The following PLD1 variants were observed in gnomAD, a reference collection of about 807,000 sequenced individuals.
PLD1 encodes choline phosphatase 1.
Under a neutral mutation model 137.1 loss-of-function variants are expected in PLD1, and 112 were observed. The ratio of observed to expected loss-of-function variants is 0.82; its 90% CI spans 0.70 to 0.96. The LOEUF (loss-of-function observed/expected upper bound fraction) is 0.96. Among genes scored for constraint, PLD1 ranks in the 40% least tolerant of loss-of-function variants. PLD1 has a pLI of 0.00. For synonymous variants in PLD1, 431 were observed against 454.7 expected (o/e 0.95, Z 0.66); for missense variants, 1,321 against 1,342.0 (o/e 0.98, Z 0.24).
chr3:171,710,553 A>T (rs897154150), intron 9 of PLD1, among the ~76,000 whole-genome samples: 8 of 152,156 alleles, frequency 5.3e-5, no homozygotes, highest in Non-Finnish European at 1.2e-4. Context: ...GGCTGATCTG[A>T]CAGAAGGCGG....
intron 21 of PLD1, among the ~76,000 whole-genome samples, chr3:171,656,742 T>C (rs574029400): frequency 4.7e-4 from 72 of 152,346 alleles, no homozygotes; most frequent in African/African-American, 1.7e-3. Flanking sequence ...TGTAGTGTGC[T>C]GCCTAGATCC....
chr3:171,797,703 C>A (rs1186334903), intron 1 of PLD1, among the ~76,000 whole-genome samples: 3 of 152,054 alleles, frequency 2.0e-5, no homozygotes, highest in African/African-American at 7.2e-5. Context: ...CAGCTTTTGA[C>A]CAAAATATAT....
intron 14 of PLD1, 44 bp from the exon 15 acceptor site, chr3:171,687,628 G>T: frequency 2.4e-6 from 3 of 1,252,256 alleles, no homozygotes; most frequent in Non-Finnish European, 2.3e-6. Flanking sequence ...CATAAGACAT[G>T]CTGCAGTGTG....
chr3:171,692,880 C>A (rs1008156146), intron 12 of PLD1, among the ~76,000 whole-genome samples: 1 of 152,050 alleles, frequency 6.6e-6, no homozygotes, highest in Non-Finnish European at 1.5e-5. Context: ...ATGAAAAAGG[C>A]AATACAAGGA....
intron 19 of PLD1, among the ~76,000 whole-genome samples, chr3:171,669,025 G>A (rs1383409698): frequency 6.6e-6 from 1 of 152,130 alleles, no homozygotes; most frequent in Non-Finnish European, 1.5e-5. Flanking sequence ...GCACTGAGGG[G>A]AAACATCCAA....
intron 14 of PLD1, 38 bp downstream of exon 14, chr3:171,688,638 T>C (rs778562799): frequency 2.1e-6 from 3 of 1,425,372 alleles, no homozygotes; most frequent in African/African-American, 2.8e-5. Context: ...CAAATTATGT[T>C]CGTGTTATAC....
At chr3:171,764,823 AAGAG>A (rs1368509091) in intron 1 of PLD1, among the ~76,000 whole-genome samples, 1 of 22,782 alleles carries the variant, frequency 4.4e-5, no homozygotes, top group Non-Finnish European at 9.3e-5. Flanking sequence ...GAAAGAAAGA[AAGAG>A]AAAGAAAGAA....
intron 1 of PLD1, among the ~76,000 whole-genome samples, chr3:171,745,935 C>A (rs1193743175): frequency 6.6e-6 from 1 of 152,096 alleles, no homozygotes; most frequent in Non-Finnish European, 1.5e-5. Context: ...ACTCACAGGC[C>A]AGCGCGAGTT....
intron 19 of PLD1, among the ~76,000 whole-genome samples, chr3:171,670,243 G>A (rs1325005264): frequency 1.3e-5 from 2 of 152,194 alleles, no homozygotes; most frequent in Non-Finnish European, 2.9e-5. Context: ...GTTAACAACA[G>A]TGTATTGGTA....
intron 23 of PLD1, among the ~76,000 whole-genome samples, chr3:171,639,340 TA>T (rs1248636213): frequency 7.5e-6 from 1 of 134,120 alleles, no homozygotes; most frequent in African/African-American, 2.8e-5. Flanking sequence ...TTCATATAAA[TA>T]AAAGATATAT....
intron 26 of PLD1, among the ~76,000 whole-genome samples, chr3:171,603,734 T>C (rs1232906210): frequency 6.6e-6 from 1 of 152,212 alleles, no homozygotes; most frequent in Non-Finnish European, 1.5e-5. Context: ...TGGTTGAAAA[T>C]GAGTTTTGGA....
intron 1 of PLD1, among the ~76,000 whole-genome samples, chr3:171,758,133 G>A (rs576918194): frequency 6.6e-6 from 1 of 152,176 alleles, no homozygotes; most frequent in Non-Finnish European, 1.5e-5. Flanking sequence ...ACTACTAATA[G>A]CTAATAGTTA....
At position 171,661,909 on chromosome 3, in the gene PLD1, A is replaced by G. The variant is rs6774916; in HGVS notation, c.2340+151T>C. ...AGGTATGCTTGGGAGGTCAAAATTC[A>G]GGTGATATGAACCAGAGCTTCTCCA... On this transcript the variant is annotated intron_variant, in intron 20 of 26. Transcript: ENST00000351298. 1,140 of 536,626 alleles carry G rather than the reference A, an allele frequency of 2.1e-3. 8 individuals are homozygous for G. The highest frequency in any genetic ancestry group is 0.02 in the African/African-American group (1,057 of 53,104). The allele number at this position is 536,626 out of a possible 1,614,324, so 33.2% of individuals were successfully genotyped here.
At chr3:171,641,685 C>T (rs1001473216) in intron 23 of PLD1, among the ~76,000 whole-genome samples, 4 of 152,136 alleles carry the variant, frequency 2.6e-5, no homozygotes, top group Non-Finnish European at 5.9e-5. Context: ...TGACACTTCC[C>T]TTCCTCTCCT....
At chr3:171,755,956 ACAT>A (rs1275808513) in intron 1 of PLD1, among the ~76,000 whole-genome samples, 1 of 152,220 alleles carries the variant, frequency 6.6e-6, no homozygotes, top group East Asian at 1.9e-4. Context: ...AAAATTGGAA[ACAT>A]CATCTACCCA....
rs1309674302 is a variant in PLD1, at chr3:171,600,731, C to A, written c.*2347G>T. The stretch of plus-strand genomic sequence containing the variant: ...AATCCCTCCAAGTAAATCTTATCAC[C>A]CCTTTGCAGATGAGCATCTTGTCTT... On this transcript the variant is annotated 3_prime_UTR_variant, in exon 27 of 27. Coordinates refer to ENST00000351298, the MANE Select transcript of PLD1 (RefSeq NM_002662.5). 6.6e-6 allele frequency: 1 copy of A among 151,704 alleles called. No homozygotes were observed. Among genetic ancestry groups the A allele is most frequent in the Non-Finnish European group, 1.5e-5 (1 of 67,978 alleles). 9.4% of individuals were successfully genotyped at this position (151,704 alleles called of 1,614,324 possible).
At chr3:171,793,617 T>C (rs1362055802) in intron 1 of PLD1, 1 of 152,178 alleles carries the variant, frequency 6.6e-6, no homozygotes, top group African/African-American at 2.4e-5. Context: ...TACTTGAACA[T>C]AAGCCCTATG....
At chr3:171,738,208 G>T in intron 1 of PLD1, 126 bp from the exon 2 acceptor site, 2 of 430,984 alleles carry the variant, frequency 4.6e-6, no homozygotes, top group Admixed American at 4.1e-5. Context: ...GTGAGCCTCA[G>T]TTATCCAAAA....
chr3:171,747,363 T>G (rs1170731927), intron 1 of PLD1, among the ~76,000 whole-genome samples: 2 of 152,170 alleles, frequency 1.3e-5, no homozygotes, highest in Non-Finnish European at 2.9e-5. Flanking sequence ...ACAGTCGATC[T>G]GGATGATGTT....
Sources: gnomAD v4.1 joint callset for allele counts (sites outside exome capture counted in the v4.1 genomes callset) on GRCh38, gnomAD v4.1.1 for gene constraint, MANE v1.5 for transcripts, NCBI Gene and HGNC (gene_info 2026-07-23, HGNC 2026-07-21) for gene names.